PRDM11: variants seen among roughly 807,000 people sequenced by gnomAD.
PRDM11 encodes PR domain-containing protein 11.
Under a neutral mutation model 97.8 loss-of-function variants are expected in PRDM11, and 20 were observed. The observed-to-expected ratio is 0.20, with a 90% confidence interval of 0.14 to 0.30. The LOEUF (loss-of-function observed/expected upper bound fraction) is 0.30. PRDM11 is among the 10% of genes least tolerant of loss of function. The pLI is 1.00. For missense variants in PRDM11, 1,139 were observed against 1,555.2 expected, an observed-to-expected ratio of 0.73 and a Z score of 4.50; for synonymous variants, 599 against 637.7, an observed-to-expected ratio of 0.94 and a Z score of 0.91.
rs113267595 is a variant in PRDM11 at position 45,183,171 on chromosome 11, G to T, written c.486+48G>T. The T allele has an allele frequency of 1.5e-5, 23 of 1,570,786 alleles. No individual in the cohort carries two copies. In the African/African-American group the frequency reaches 1.5e-4, roughly 10 times the overall value. On this transcript the variant is annotated intron_variant, in intron 4 of 7. Transcript: ENST00000683152. ...ATGGGAGAGGTTGCCAAGAAACATG[G>T]AAGGAAACCACCAGGGGGAGCCATA...
chr11:45,224,170 A>AT, intron 6 of PRDM11, 47 bp from the exon 7 acceptor site: 1 of 1,523,760 alleles, frequency 6.6e-7, no homozygotes, highest in Non-Finnish European at 8.8e-7. Flanking sequence ...GGTTTCTCCA[A>AT]TTTGGGGGTT....
intron 1 of PRDM11, among the ~76,000 whole-genome samples, chr11:45,099,450 TAAAAA>T (rs532403075): frequency 3.2e-5 from 3 of 95,218 alleles, no homozygotes; most frequent in African/African-American, 4.1e-5. Flanking sequence ...GACTCCATCT[TAAAAA>T]AAAAAAAAAA....
At chr11:45,166,414 T>C (rs923804244) in intron 1 of PRDM11, among the ~76,000 whole-genome samples, 3 of 152,240 alleles carry the variant, frequency 2.0e-5, no homozygotes, top group Non-Finnish European at 2.9e-5. Context: ...GGCTAGACCC[T>C]GTATCCTCTC....
intron 1 of PRDM11, among the ~76,000 whole-genome samples, chr11:45,124,824 G>C (rs974187864): frequency 3.9e-5 from 6 of 152,166 alleles, no homozygotes; most frequent in African/African-American, 1.4e-4. Flanking sequence ...TCTCTGCCAG[G>C]CTTTGGTATC....
intron 1 of PRDM11, among the ~76,000 whole-genome samples, chr11:45,172,300 T>G (rs901455132): frequency 2.0e-5 from 3 of 152,006 alleles, no homozygotes; most frequent in Non-Finnish European, 4.4e-5. Flanking sequence ...CCTTCAAGAG[T>G]CTTCACAGAG....
In PRDM11 at chr11:45,181,846, T is replaced by A; in HGVS notation, c.80T>A (p.Val27Asp). 6.2e-7 allele frequency: 1 copy of A among 1,612,218 alleles called. No homozygotes were observed. Among genetic ancestry groups the A allele is most frequent in the Non-Finnish European group, 8.5e-7 (1 of 1,179,538 alleles). Residue 27 changes from valine (V) to aspartate (D), a missense_variant, in exon 2 of 8, where the codon GTC becomes GAC. This residue lies in a region of PRDM11 where 429 missense variants were observed against 510.3 expected (regional missense o/e 0.84). Coordinates refer to ENST00000683152, the MANE Select transcript of PRDM11 (RefSeq NM_001384648.1). ...GDMVTVVKTE[V>D]CSPLRDQEYG... ...ATGGTGACGGTGGTGAAGACGGAGG[T>A]CTGCTCACCACTCCGAGACCAGGAG...
intron 1 of PRDM11, among the ~76,000 whole-genome samples, chr11:45,157,903 T>C (rs1851840342): frequency 6.6e-6 from 1 of 152,112 alleles, no homozygotes; most frequent in Non-Finnish European, 1.5e-5. Flanking sequence ...AAGGGAGGGC[T>C]GAAGTTTGAG....
At chr11:45,143,082 T>G (rs1851441215), upstream of PRDM11, among the ~76,000 whole-genome samples, 1 of 152,184 alleles carries the variant, frequency 6.6e-6, no homozygotes, top group African/African-American at 2.4e-5. Context: ...CTCTTCTTAT[T>G]AGCAAGGAAG....
intron 4 of PRDM11, among the ~76,000 whole-genome samples, chr11:45,196,827 T>C (rs1457824737): frequency 6.6e-6 from 1 of 152,212 alleles, no homozygotes; most frequent in Non-Finnish European, 1.5e-5. Flanking sequence ...GCTCTGTTCC[T>C]GGATTCCGAT....
chr11:45,110,256 A>G (rs369098640), intron 1 of PRDM11, among the ~76,000 whole-genome samples: 1 of 152,330 alleles, frequency 6.6e-6, no homozygotes, highest in South Asian at 2.1e-4. Context: ...CAGACCCAAG[A>G]AGTGGCAGCT....
At chr11:45,110,115 C>T (rs773934390) in intron 1 of PRDM11, among the ~76,000 whole-genome samples, 6 of 152,166 alleles carry the variant, frequency 3.9e-5, no homozygotes, top group Admixed American at 2.0e-4. Flanking sequence ...ATACACTTTG[C>T]GTGCAAACAC....
rs1311362713 is a variant in PRDM11, at chr11:45,146,777, C to G, written c.-107C>G. 1 of 146,450 alleles carries G rather than the reference C, an allele frequency of 6.8e-6. No homozygotes were observed. The highest frequency in any genetic ancestry group is 1.5e-5 in the Non-Finnish European group (1 of 65,796). The allele number at this position is 146,450 out of a possible 1,614,324, so 9.1% of individuals were successfully genotyped here. On this transcript the variant is annotated 5_prime_UTR_variant, in exon 1 of 8. Transcript: ENST00000683152. The stretch of plus-strand genomic sequence containing the variant: ...CGCGCCCGCAGCGCGGCCGCTCCCT[C>G]CGCGGGGGCCGCCAGCCGAGGCCGC...
chr11:45,224,910 C>G (rs145087705), intron 7 of PRDM11, 67 bp downstream of exon 7: 1 of 1,600,596 alleles, frequency 6.2e-7, no homozygotes, highest in Non-Finnish European at 8.5e-7. Context: ...GGAGGGTAGC[C>G]TAAAGCTCTC....
At chr11:45,138,469 G>A (rs1355108373) in intron 1 of PRDM11, among the ~76,000 whole-genome samples, 1 of 152,214 alleles carries the variant, frequency 6.6e-6, no homozygotes, top group Non-Finnish European at 1.5e-5. Context: ...TTAGGAGACT[G>A]AGGTGGAAGG....
At position 45,228,459 on chromosome 11, in the gene PRDM11, CCCACCTTACTGT is replaced by C. The variant is rs1429298341; in HGVS notation, c.*306_*317del. On this transcript the variant is annotated 3_prime_UTR_variant, in exon 8 of 8. Coordinates refer to ENST00000683152, the MANE Select transcript of PRDM11 (RefSeq NM_001384648.1). ...AGCACGTGCTGGGGCCTCCTGTGTTCCCACCTTACTGTCCACCAACAGCATAAGCTAAAATGA... is the reference window on the plus strand; with the variant it reads ...AGCACGTGCTGGGGCCTCCTGTGTTCCCACCAACAGCATAAGCTAAAATGA... The C allele has an allele frequency of 6.6e-6, 1 of 152,264 alleles. No homozygotes were observed. Among genetic ancestry groups the C allele is most frequent in the Non-Finnish European group, 1.5e-5 (1 of 68,252 alleles). The allele number at this position is 152,264 out of a possible 1,614,324, so 9.4% of individuals were successfully genotyped here. A position where few individuals can be genotyped will look rare whatever the true frequency, so the allele number is the denominator to read the frequency against.
At chr11:45,135,435 C>G (rs573759528) in intron 1 of PRDM11, among the ~76,000 whole-genome samples, 26 of 152,250 alleles carry the variant, frequency 1.7e-4, no homozygotes, top group African/African-American at 6.0e-4. Flanking sequence ...CTAATGAAAA[C>G]AATATGTGAA....
chr11:45,188,613 C>G (rs551020256), intron 4 of PRDM11, among the ~76,000 whole-genome samples: 1 of 152,238 alleles, frequency 6.6e-6, no homozygotes, highest in East Asian at 1.9e-4. Flanking sequence ...CATAATGGAC[C>G]GAATGGCCAT....
At chr11:45,195,764 A>T (rs896034200) in intron 4 of PRDM11, among the ~76,000 whole-genome samples, 1 of 151,370 alleles carries the variant, frequency 6.6e-6, no homozygotes, top group Non-Finnish European at 1.5e-5. Flanking sequence ...TTTAGTAGAG[A>T]TGAGGTTTTG....
upstream of PRDM11, among the ~76,000 whole-genome samples, chr11:45,142,871 A>G (rs1221592913): frequency 6.6e-6 from 1 of 152,228 alleles, no homozygotes; most frequent in Non-Finnish European, 1.5e-5. Flanking sequence ...ATGTGGATTT[A>G]TTTAAAGCAT....
Sources: gnomAD v4.1 joint callset for allele counts (sites outside exome capture counted in the v4.1 genomes callset) on GRCh38, gnomAD v4.1.1 for gene constraint, gnomAD v4.1.1 regional missense constraint, MANE v1.5 for transcripts, NCBI Gene and HGNC (gene_info 2026-07-23, HGNC 2026-07-21) for gene names.